SLC26A7: variants seen among roughly 807,000 people sequenced by gnomAD.
SLC26A7 encodes the protein anion exchange transporter.
A neutral mutation model predicts 82.5 loss-of-function variants in SLC26A7; 59 were observed. That is an observed-to-expected ratio of 0.72 (90% CI 0.58 to 0.89). The LOEUF (loss-of-function observed/expected upper bound fraction) is 0.89. Ranked by LOEUF, SLC26A7 falls within the 40% of genes least tolerant of loss-of-function variation. The pLI is 0.00. For synonymous variants in SLC26A7, 271 were observed against 274.3 expected, an observed-to-expected ratio of 0.99 and a Z score of 0.12; for missense variants, 820 against 793.0, an observed-to-expected ratio of 1.03 and a Z score of -0.41.
rs202113427 is a variant in SLC26A7, at chr8:91,340,481, G to T, written c.956G>T (p.Gly319Val). The T allele has an allele frequency of 1.2e-6, 2 of 1,613,870 alleles. No homozygotes were observed. Among genetic ancestry groups the T allele is most frequent in the Admixed American group, 1.7e-5 (1 of 59,982 alleles). ...ITEAFGVALV[G>V]YVASLALAQG... ...GAAGCTTTCGGAGTGGCACTTGTAG[G>T]CTATGTGGCCTCACTGGCTCTTGCT... Residue 319 changes from glycine (G) to valine (V), a missense_variant, in exon 8 of 19, where the codon GGC (glycine) becomes GTC (valine). Gly to Val is a moderately radical substitution (Grantham distance 109). Transcript: ENST00000276609.
intron 2 of SLC26A7, among the ~76,000 whole-genome samples, chr8:91,278,376 A>G (rs1353049321): frequency 6.6e-6 from 1 of 152,148 alleles, no homozygotes; most frequent in Non-Finnish European, 1.5e-5. Context: ...TTATCCTTCT[A>G]TGCTCTCTAT....
At chr8:91,329,234 A>ATG (rs3086211) in intron 5 of SLC26A7, among the ~76,000 whole-genome samples, 1 of 151,848 alleles carries the variant, frequency 6.6e-6, no homozygotes, top group East Asian at 1.9e-4. Context: ...ATATGTAAAT[A>ATG]TGTGTGTGTG....
chr8:91,393,001 C>G (rs1453763435), intron 16 of SLC26A7, among the ~76,000 whole-genome samples: 1 of 152,158 alleles, frequency 6.6e-6, no homozygotes, highest in East Asian at 1.9e-4. Context: ...CATAGAACTT[C>G]TTACTGCTGG....
intron 13 of SLC26A7, among the ~76,000 whole-genome samples, chr8:91,363,805 A>G (rs2130871689): frequency 6.6e-6 from 1 of 152,282 alleles, no homozygotes; most frequent in East Asian, 1.9e-4. Flanking sequence ...CTGTAGAATC[A>G]TGGCATTTGG....
exon 2 of SLC26A7, chr8:91,218,892 C>T (rs1345230627): frequency 6.5e-7 from 1 of 1,538,954 alleles, no homozygotes; most frequent in Non-Finnish European, 8.8e-7. Context: ...CTTTTTAGGA[C>T]TGGAAGATAA....
Position 91,351,154 on chromosome 8 carries a change from T to A in SLC26A7, c.1141-656T>A, listed in dbSNP as rs79047564. 4.6e-3 allele frequency among the ~76,000 whole-genome samples: 702 copies of A among 152,200 alleles called. 2 individuals carry two copies. The highest frequency in any genetic ancestry group is 0.016 in the African/African-American group (661 of 41,526). On this transcript the variant is annotated intron_variant, in intron 9 of 18. Coordinates refer to ENST00000276609, the MANE Select transcript of SLC26A7 (RefSeq NM_052832.4). ...AACATTTGCTTCTGTGAAATCAAGT[T>A]CTCCATCAAGTGGAACATGACTATA...
chr8:91,324,999 G>A (rs960296816), intron 5 of SLC26A7, among the ~76,000 whole-genome samples: 1 of 152,158 alleles, frequency 6.6e-6, no homozygotes, highest in South Asian at 2.1e-4. Flanking sequence ...TCTTTCCAGT[G>A]GAATTTCAGA....
intron 2 of SLC26A7, among the ~76,000 whole-genome samples, chr8:91,239,757 T>A (rs1177129044): frequency 2.6e-5 from 4 of 152,146 alleles, no homozygotes; most frequent in Non-Finnish European, 5.9e-5. Flanking sequence ...ACAGATGGAT[T>A]TGAGTTGTTT....
In SLC26A7 at chr8:91,355,822, G is replaced by A. The variant is rs113972861; in HGVS notation, c.1314+2826G>A. Among the ~76,000 whole-genome samples the A allele has an allele frequency of 3.5e-3, 528 of 151,698 alleles. 10 individuals are homozygous for A. The highest frequency in any genetic ancestry group is 0.012 in the African/African-American group (490 of 41,386). On this transcript the variant is annotated intron_variant, in intron 11 of 18. Transcript: ENST00000276609. ...TACATGTGCCATGTTGGTGTGCTGC[G>A]CCCATTAACTCGTCATTTAGCATTA...
At chr8:91,236,130 A>G (rs1810389671) in intron 2 of SLC26A7, among the ~76,000 whole-genome samples, 1 of 152,242 alleles carries the variant, frequency 6.6e-6, no homozygotes, top group Admixed American at 6.5e-5. Context: ...AAATATTTAT[A>G]TCTTAATTTG....
chr8:91,272,462 T>G (rs1811297712), intron 2 of SLC26A7, among the ~76,000 whole-genome samples: 1 of 152,134 alleles, frequency 6.6e-6, no homozygotes, highest in East Asian at 1.9e-4. Context: ...TGAACTAACA[T>G]CATTAAAAGC....
At chr8:91,294,794 C>A (rs920175794) in intron 3 of SLC26A7, among the ~76,000 whole-genome samples, 1 of 152,094 alleles carries the variant, frequency 6.6e-6, no homozygotes, top group African/African-American at 2.4e-5. Context: ...AAGGCCATGG[C>A]AATTCTTGGA....
chr8:91,382,830 C>T (rs555623828), intron 15 of SLC26A7, among the ~76,000 whole-genome samples: 17 of 152,266 alleles, frequency 1.1e-4, no homozygotes, highest in Admixed American at 3.3e-4. Flanking sequence ...ACATTATTCT[C>T]AATAACTAAA....
intron 9 of SLC26A7, among the ~76,000 whole-genome samples, chr8:91,350,755 G>A (rs992304610): frequency 4.0e-5 from 6 of 151,838 alleles, no homozygotes; most frequent in Admixed American, 2.6e-4. Flanking sequence ...TATGATTTTG[G>A]CATTTATGAA....
chr8:91,356,721 C>A (rs1023230440), intron 11 of SLC26A7, among the ~76,000 whole-genome samples: 1 of 152,156 alleles, frequency 6.6e-6, no homozygotes, highest in Non-Finnish European at 1.5e-5. Context: ...TGTGCAGAAG[C>A]TTTTTAGTTT....
intron 4 of SLC26A7, among the ~76,000 whole-genome samples, chr8:91,299,351 T>G (rs1010321411): frequency 2.0e-4 from 31 of 152,104 alleles, no homozygotes; most frequent in African/African-American, 7.5e-4. Flanking sequence ...TTTGAGTCAT[T>G]GTTAGCTTTT....
chr8:91,214,576 A>G (rs1810004087), intron 1 of SLC26A7, among the ~76,000 whole-genome samples: 2 of 152,152 alleles, frequency 1.3e-5, no homozygotes, highest in African/African-American at 2.4e-5. Flanking sequence ...ACCTTGAAAT[A>G]TGAGGCCTAA....
At chr8:91,350,329 A>T (rs989121851) in intron 9 of SLC26A7, among the ~76,000 whole-genome samples, 2 of 151,852 alleles carry the variant, frequency 1.3e-5, no homozygotes, top group Non-Finnish European at 2.9e-5. Flanking sequence ...CAATTGTTAG[A>T]GATCTCTTCC....
chr8:91,336,529 C>G (rs2130834299), intron 6 of SLC26A7, among the ~76,000 whole-genome samples: 1 of 152,064 alleles, frequency 6.6e-6, no homozygotes, highest in Middle Eastern at 3.4e-3. Flanking sequence ...CTCCCCCAAC[C>G]CTGTTCGTGA....
Sources: gnomAD v4.1 joint callset for allele counts (sites outside exome capture counted in the v4.1 genomes callset) on GRCh38, gnomAD v4.1.1 for gene constraint, MANE v1.5 for transcripts, NCBI Gene and HGNC (gene_info 2026-07-23, HGNC 2026-07-21) for gene names.